TTLL5: variants seen among roughly 807,000 people sequenced by gnomAD.
The protein encoded by TTLL5 is tubulin tyrosine ligase like 5.
A neutral mutation model predicts 168.4 loss-of-function variants in TTLL5; 132 were observed. That is an observed-to-expected ratio of 0.78 (90% CI 0.68 to 0.91). TTLL5 has a LOEUF of 0.91. Among genes scored for constraint, TTLL5 ranks in the 40% least tolerant of loss-of-function variants. The probability of loss-of-function intolerance (pLI) is 0.00; values close to 1 mark genes in which losing one functional copy is unlikely to be tolerated. For synonymous variants in TTLL5, 546 were observed against 558.6 expected, an observed-to-expected ratio of 0.98 and a Z score of 0.32; for missense variants, 1,545 against 1,581.5, an observed-to-expected ratio of 0.98 and a Z score of 0.39.
chr14:75,762,161 C>T (rs557702641), intron 18 of TTLL5, among the ~76,000 whole-genome samples: 2 of 151,878 alleles, frequency 1.3e-5, no homozygotes, highest in East Asian at 1.9e-4. Context: ...TTTGGGAGGC[C>T]GAGGCGGGTG....
Position 75,863,915 on chromosome 14 carries a change from A to T in TTLL5, c.3522+53A>T, listed in dbSNP as rs1326397525. 2.5e-6 allele frequency: 3 copies of T among 1,188,246 alleles called. No homozygotes were observed. The African/African-American group carries it at 5.2e-5, about 21-fold the overall frequency. 73.6% of individuals were successfully genotyped at this position (1,188,246 alleles called of 1,614,324 possible). A position where few individuals can be genotyped will look rare whatever the true frequency, so the allele number is the denominator to read the frequency against. On this transcript the variant is annotated intron_variant, in intron 29 of 31. Transcript: ENST00000298832. ...GTTATATCTTCCTGCTGTTGGTAAA[A>T]AAAAAAAAAAAAAAAAAAAGGTCAG... is the stretch of plus-strand genomic sequence containing the variant.
intron 26 of TTLL5, among the ~76,000 whole-genome samples, chr14:75,792,659 C>A (rs1008742764): frequency 1.3e-5 from 2 of 152,082 alleles, no homozygotes; most frequent in Non-Finnish European, 2.9e-5. Flanking sequence ...AATGAAAATT[C>A]TTCTTTGTGA....
intron 31 of TTLL5, among the ~76,000 whole-genome samples, chr14:75,917,590 C>T (rs2033664711): frequency 6.6e-6 from 1 of 152,158 alleles, no homozygotes; most frequent in Non-Finnish European, 1.5e-5. Context: ...CTTTATCCAG[C>T]CATTTAACTT....
intron 31 of TTLL5, among the ~76,000 whole-genome samples, chr14:75,909,362 C>G (rs1343473416): frequency 6.7e-6 from 1 of 149,386 alleles, no homozygotes; most frequent in African/African-American, 2.5e-5. Flanking sequence ...TCTAAACTAG[C>G]CAATCCAGCC....
At chr14:75,887,221 T>C in intron 30 of TTLL5, 2 of 991,272 alleles carry the variant, frequency 2.0e-6, no homozygotes, top group Non-Finnish European at 2.4e-6. Flanking sequence ...TACCTGAACA[T>C]GTGGTGAGGT....
intron 6 of TTLL5, among the ~76,000 whole-genome samples, chr14:75,692,862 G>GGT (rs1885558453): frequency 6.6e-6 from 1 of 152,168 alleles, no homozygotes; most frequent in Admixed American, 6.5e-5. Flanking sequence ...GGGGCATCCA[G>GGT]GTAGTGTGTT....
chr14:75,823,859 G>T (rs897496704), intron 28 of TTLL5, among the ~76,000 whole-genome samples: 4 of 152,110 alleles, frequency 2.6e-5, no homozygotes, highest in African/African-American at 9.7e-5. Flanking sequence ...AACCATTTTC[G>T]ATGTCACCCT....
At chr14:75,799,610 G>GT (rs1333052536) in intron 27 of TTLL5, among the ~76,000 whole-genome samples, 1 of 152,174 alleles carries the variant, frequency 6.6e-6, no homozygotes, top group Non-Finnish European at 1.5e-5. Flanking sequence ...GTATTTCGAG[G>GT]TTTTGTCTCA....
At position 75,732,531 on chromosome 14, in the gene TTLL5, T is replaced by C. The variant is rs1888611451; in HGVS notation, c.1124+112T>C. 4.6e-6 allele frequency: 4 copies of C among 876,180 alleles called. No homozygotes were observed. The Admixed American group carries it at 7.7e-5, about 17-fold the overall frequency. 54.3% of individuals were successfully genotyped at this position (876,180 alleles called of 1,614,324 possible). Reference sequence around the variant, plus strand: ...TAGAAGACTGTTTTTTTCCTAGTTATTAGGTGGAGATAACCAGACTTTCTT... The same window carrying C: ...TAGAAGACTGTTTTTTTCCTAGTTACTAGGTGGAGATAACCAGACTTTCTT... On this transcript the variant is annotated intron_variant, in intron 13 of 31. Transcript: ENST00000298832.
rs2140122685 is a variant in TTLL5 at position 75,683,698 on chromosome 14, T to A, written c.371+42T>A. ...CTGCTTTGCTTCATTTAAAGGTACA[T>A]GACATTGGGGCATGTAGCCAGCAAA... On this transcript the variant is annotated intron_variant, in intron 5 of 31. Coordinates refer to ENST00000298832, the MANE Select transcript of TTLL5 (RefSeq NM_015072.5). 8.0e-6 allele frequency: 12 copies of A among 1,499,070 alleles called. No homozygotes were observed. In the East Asian group the frequency reaches 2.5e-4, roughly 31 times the overall value. The allele number at this position is 1,499,070 out of a possible 1,614,324, so 92.9% of individuals were successfully genotyped here.
chr14:75,766,179 G>A lies in TTLL5; in HGVS notation c.1826G>A (p.Gly609Glu), dbSNP rs751543052. Residue 609 changes from glycine to glutamate, a missense_variant, in exon 20 of 32, where the codon GGA (glycine) becomes GAA (glutamate). Physicochemically the swap from Gly to Glu is moderately conservative, Grantham distance 98 (BLOSUM62 -2). Transcript: ENST00000298832. ...GAGGCTTCCCAGGAGGAGTCTGCAG[G>A]ATTTCTTAGAGAAAATCAAGCCAAA... ...EQEASQEESA[G>E]FLRENQAKYT... 4 of 1,613,902 alleles carry A rather than the reference G, an allele frequency of 2.5e-6. No homozygotes were observed. The highest frequency in any genetic ancestry group is 3.4e-6 in the Non-Finnish European group (4 of 1,179,994).
At chr14:75,687,978 G>A (rs1220771533) in intron 5 of TTLL5, among the ~76,000 whole-genome samples, 3 of 152,172 alleles carry the variant, frequency 2.0e-5, no homozygotes, top group African/African-American at 4.8e-5. Flanking sequence ...TTTTGCTGGC[G>A]GGAATGCAGA....
At chr14:75,690,834 G>C (rs954923139) in intron 6 of TTLL5, among the ~76,000 whole-genome samples, 4 of 152,202 alleles carry the variant, frequency 2.6e-5, no homozygotes, top group African/African-American at 9.6e-5. Context: ...TGCCTGGGCT[G>C]GTCTTGAACA....
At chr14:75,893,649 T>C (rs1381616894) in intron 30 of TTLL5, among the ~76,000 whole-genome samples, 1 of 151,568 alleles carries the variant, frequency 6.6e-6, no homozygotes, top group Non-Finnish European at 1.5e-5. Context: ...AAACCCCATC[T>C]CTACTAAAAA....
chr14:75,729,600 G>C (rs1316258707), intron 12 of TTLL5, among the ~76,000 whole-genome samples: 3 of 152,134 alleles, frequency 2.0e-5, no homozygotes, highest in African/African-American at 7.2e-5. Flanking sequence ...TTTGAGGTGA[G>C]CTGGGTTTTG....
At chr14:75,775,049 A>T (rs1891637059) in intron 21 of TTLL5, among the ~76,000 whole-genome samples, 6 of 140,328 alleles carry the variant, frequency 4.3e-5, no homozygotes, top group Non-Finnish European at 3.1e-5. Flanking sequence ...TTTTCCTGAT[A>T]CTTCATCATC....
At chr14:75,675,509 A>T (rs1448901295) in intron 3 of TTLL5, among the ~76,000 whole-genome samples, 1 of 152,206 alleles carries the variant, frequency 6.6e-6, no homozygotes, top group Non-Finnish European at 1.5e-5. Flanking sequence ...TGGTTGGAGA[A>T]GAGGAAATTC....
chr14:75,722,760 C>T (rs1309074357), intron 12 of TTLL5, among the ~76,000 whole-genome samples: 1 of 152,194 alleles, frequency 6.6e-6, no homozygotes, highest in Non-Finnish European at 1.5e-5. Flanking sequence ...AAGTGATCCT[C>T]CTGCCTTGGC....
chr14:75,793,499 T>C (rs1892834410), intron 27 of TTLL5, among the ~76,000 whole-genome samples: 1 of 152,214 alleles, frequency 6.6e-6, no homozygotes, highest in Non-Finnish European at 1.5e-5. Flanking sequence ...TTTTCTATAC[T>C]GCCTCTTATT....
Sources: allele counts gnomAD v4.1 joint callset (sites outside exome capture counted in the v4.1 genomes callset), GRCh38; gene constraint gnomAD v4.1.1; transcripts MANE v1.5; gene names NCBI Gene and HGNC (gene_info 2026-07-23, HGNC 2026-07-21).